The following LMLN variants were observed in gnomAD, a reference collection of about 807,000 sequenced individuals.
LMLN encodes leishmanolysin like peptidase, also known as leishmanolysin-like peptidase.
In LMLN, 70 loss-of-function variants were observed where a neutral mutation model predicts 92.3. That is an observed-to-expected ratio of 0.76 (90% CI 0.63 to 0.92). LMLN has a LOEUF of 0.92. Among genes scored for constraint, LMLN ranks in the 40% least tolerant of loss-of-function variants. The pLI is 0.00. For synonymous variants in LMLN, 308 were observed against 296.2 expected (o/e 1.04, Z -0.41); for missense variants, 691 against 814.6 (o/e 0.85, Z 1.85).
chr3:198,015,400 C>A, intron 11 of LMLN, among the ~76,000 whole-genome samples: 1 of 110,232 alleles, frequency 9.1e-6, no homozygotes, highest in South Asian at 3.6e-4. Context: ...CCTTCAGAGC[C>A]CCCTAACTAG....
intron 14 of LMLN, 126 bp downstream of exon 15, chr3:198,024,914 T>C: frequency 3.0e-6 from 2 of 661,698 alleles, no homozygotes; most frequent in Non-Finnish European, 4.5e-6. Flanking sequence ...TGTATCTTGT[T>C]TATGTAAATA....
chr3:198,035,510 A>G (rs1375470227), intron 14 of LMLN, among the ~76,000 whole-genome samples: 1 of 151,634 alleles, frequency 6.6e-6, no homozygotes, highest in Non-Finnish European at 1.5e-5. Flanking sequence ...CTACAGGTGC[A>G]TGACACCACG....
exon 1 of LMLN, chr3:197,960,311 C>T: frequency 6.2e-7 from 1 of 1,613,888 alleles, no homozygotes; most frequent in Non-Finnish European, 8.5e-7. Context: ...GCCGGTGGCG[C>T]TGGAGCGGGT....
At chr3:197,985,660 C>T (rs1721685486) in intron 7 of LMLN, 136 bp from the exon 8 acceptor site, 7 of 506,378 alleles carry the variant, frequency 1.4e-5, no homozygotes, top group South Asian at 1.2e-4. Context: ...TCAATTCCAG[C>T]GTAGGAGAAG....
chr3:197,974,498 T>G (rs754779449), intron 2 of LMLN, 24 bp downstream of exon 2: 1 of 1,133,170 alleles, frequency 8.8e-7, no homozygotes, highest in Admixed American at 2.7e-5. Flanking sequence ...TGTATTGTCA[T>G]CTTTTTCATT....
chr3:197,970,046 G>T (rs1721181060), intron 1 of LMLN, among the ~76,000 whole-genome samples: 1 of 152,084 alleles, frequency 6.6e-6, no homozygotes, highest in African/African-American at 2.4e-5. Context: ...CTGCTACTCA[G>T]GAGGCTGAGG....
At chr3:198,001,614 C>A (rs934700919) in intron 11 of LMLN, among the ~76,000 whole-genome samples, 2 of 152,178 alleles carry the variant, frequency 1.3e-5, no homozygotes, top group African/African-American at 2.4e-5. Context: ...ACGTAACTCA[C>A]ATTGTAGTTG....
At chr3:198,032,866 C>G (rs1431844463) in intron 14 of LMLN, among the ~76,000 whole-genome samples, 1 of 152,196 alleles carries the variant, frequency 6.6e-6, no homozygotes, top group African/African-American at 2.4e-5. Context: ...TCCAGCTGGT[C>G]GCAGTGAGGG....
At chr3:198,006,991 G>A (rs1027829618) in intron 11 of LMLN, among the ~76,000 whole-genome samples, 4 of 152,214 alleles carry the variant, frequency 2.6e-5, no homozygotes, top group African/African-American at 4.8e-5. Context: ...GATTATAGGC[G>A]TGAGCCACTC....
At chr3:197,985,875 C>T (rs1560139884) in exon 8 of LMLN, 1 of 1,606,746 alleles carries the variant, frequency 6.2e-7, no homozygotes. Flanking sequence ...GATGGCCTCC[C>T]ACCTTTTAAT....
At chr3:197,960,304 G>A (rs1176444515) in exon 1 of LMLN, 3 of 1,613,860 alleles carry the variant, frequency 1.9e-6, no homozygotes, top group African/African-American at 1.3e-5. Flanking sequence ...GGCCGGAGCC[G>A]GTGGCGCTGG....
chr3:197,999,495 C>T lies in LMLN; in HGVS notation c.1232+153C>T, dbSNP rs1722114019. The stretch of plus-strand genomic sequence containing the variant: ...TACAGTTAGCTGTCCGTTATTCATA[C>T]CAACTCCATTCATTCATTCGTTCAT... On this transcript the variant is annotated intron_variant, in intron 11 of 15. Transcript: ENST00000330198. 4 of 609,156 alleles carry T rather than the reference C, an allele frequency of 6.6e-6. No homozygotes were observed. The African/African-American group carries it at 7.4e-5, about 11-fold the overall frequency. The allele number at this position is 609,156 out of a possible 1,614,324, so 37.7% of individuals were successfully genotyped here.
chr3:198,032,114 A>AG (rs1358213279), intron 14 of LMLN, among the ~76,000 whole-genome samples: 8 of 151,698 alleles, frequency 5.3e-5, no homozygotes, highest in Non-Finnish European at 8.8e-5. Flanking sequence ...AAAAAAAAAA[A>AG]AAAGAAAAGA....
intron 14 of LMLN, among the ~76,000 whole-genome samples, chr3:198,029,598 G>A (rs1029341481): frequency 2.6e-5 from 4 of 152,102 alleles, no homozygotes; most frequent in Admixed American, 2.6e-4. Flanking sequence ...GCTTGAACCT[G>A]GGAGATGGAG....
At chr3:197,972,767 G>A (rs1229031721) in intron 1 of LMLN, among the ~76,000 whole-genome samples, 1 of 150,892 alleles carries the variant, frequency 6.6e-6, no homozygotes, top group Admixed American at 6.6e-5. Context: ...CTTATCTCCT[G>A]TTGTTGGCAA....
chr3:197,991,113 T>TTC (rs909543987), intron 9 of LMLN, among the ~76,000 whole-genome samples: 9 of 145,378 alleles, frequency 6.2e-5, no homozygotes, highest in African/African-American at 1.5e-4. Context: ...CTTTCTTTCT[T>TTC]TTTTTTTTTT....
chr3:197,960,634 T>C (rs1442072722), intron 1 of LMLN, among the ~76,000 whole-genome samples, 194 bp downstream of exon 1: 1 of 152,088 alleles, frequency 6.6e-6, no homozygotes, highest in Non-Finnish European at 1.5e-5. Context: ...CTCAGAACAG[T>C]ATCACTTCTG....
At chr3:198,020,998 T>C (rs967010162) in intron 12 of LMLN, among the ~76,000 whole-genome samples, 21 of 151,942 alleles carry the variant, frequency 1.4e-4, no homozygotes, top group Admixed American at 3.9e-4. Flanking sequence ...AAGTATATTA[T>C]ATATATGATC....
intron 11 of LMLN, among the ~76,000 whole-genome samples, chr3:198,009,574 T>A (rs1046002681): frequency 5.3e-5 from 8 of 152,202 alleles, no homozygotes; most frequent in Non-Finnish European, 8.8e-5. Context: ...TTTGGTAGCA[T>A]TCTCCAGTGA....
Sources: allele counts gnomAD v4.1 joint callset (sites outside exome capture counted in the v4.1 genomes callset), GRCh38; gene constraint gnomAD v4.1.1; transcripts MANE v1.5; gene names NCBI Gene and HGNC (gene_info 2026-07-23, HGNC 2026-07-21).